Variants in PGAP2 observed in about 807,000 individuals in gnomAD.
The protein encoded by PGAP2 is acyltransferase PGAP2.
In PGAP2, 21 loss-of-function variants were observed where a neutral mutation model predicts 33.2. The observed-to-expected ratio is 0.63, with a 90% CI of 0.45 to 0.91. PGAP2 has a LOEUF of 0.91. Among genes scored for constraint, PGAP2 ranks in the 40% least tolerant of loss-of-function variants. PGAP2 has a pLI of 0.00. For missense variants in PGAP2, 345 were observed against 424.0 expected (o/e 0.81, Z 1.64); for synonymous variants, 161 against 172.9 (o/e 0.93, Z 0.54).
Position 3,825,646 on chromosome 11 carries a change from C to G in PGAP2, c.*188C>G. On this transcript the variant is annotated 3_prime_UTR_variant, in exon 7 of 7. Transcript: ENST00000278243. ...TTCTCCTCTCCACCCCTCATATGGG[C>G]GTGGGGTCCTCAAACATCACCTTTA... 2.3e-6 allele frequency: 1 copy of G among 442,636 alleles called. No individual in the cohort carries two copies. Among genetic ancestry groups the G allele is most frequent in the South Asian group, 2.6e-5 (1 of 39,080 alleles). 27.4% of individuals were successfully genotyped at this position (442,636 alleles called of 1,614,324 possible).
At chr11:3,814,918 C>A (rs550199212) in intron 2 of PGAP2, among the ~76,000 whole-genome samples, 1 of 147,832 alleles carries the variant, frequency 6.8e-6, no homozygotes, top group East Asian at 2.0e-4. Context: ...CTTTCCCTTT[C>A]CCTTTCCCTT....
intron 5 of PGAP2, 109 bp downstream of exon 5, chr11:3,824,485 C>T: frequency 6.4e-7 from 1 of 1,557,956 alleles, no homozygotes; most frequent in South Asian, 1.1e-5. Flanking sequence ...CTAATGGGAA[C>T]CCTGGCAGAG....
chr11:3,821,917 C>T (rs1174015580), intron 3 of PGAP2, among the ~76,000 whole-genome samples: 2 of 146,382 alleles, frequency 1.4e-5, no homozygotes, highest in Non-Finnish European at 3.0e-5. Context: ...AAAAAAAAAT[C>T]CAAAAAATTA....
At chr11:3,823,753 C>T in intron 3 of PGAP2, 130 bp from the exon 4 acceptor site, 2 of 1,598,868 alleles carry the variant, frequency 1.3e-6, no homozygotes, top group South Asian at 2.2e-5. Flanking sequence ...ATGGGGACAT[C>T]TGAAGGAGGA....
chr11:3,800,530 G>A (rs1233036489), intron 1 of PGAP2, among the ~76,000 whole-genome samples: 1 of 151,876 alleles, frequency 6.6e-6, no homozygotes, highest in East Asian at 1.9e-4. Context: ...AAGAAATTTG[G>A]GCCAGGCGGG....
chr11:3,807,646 GAAGT>G (rs1309813962), upstream of PGAP2, among the ~76,000 whole-genome samples: 3 of 152,104 alleles, frequency 2.0e-5, no homozygotes, highest in Admixed American at 6.6e-5. Context: ...AATGAGATAA[GAAGT>G]AAGAGTGCCT....
intron 3 of PGAP2, among the ~76,000 whole-genome samples, chr11:3,822,572 T>A (rs550731143): frequency 6.6e-6 from 1 of 152,112 alleles, no homozygotes; most frequent in South Asian, 2.1e-4. Flanking sequence ...AGGTCAAGGC[T>A]GCAGTGAGTC....
intron 3 of PGAP2, among the ~76,000 whole-genome samples, chr11:3,821,444 C>T (rs1359834919): frequency 1.3e-5 from 2 of 152,220 alleles, no homozygotes; most frequent in Non-Finnish European, 2.9e-5. Context: ...GCCATTTCCA[C>T]AGTTTTGGAA....
intron 5 of PGAP2, chr11:3,824,776 C>T (rs944510465): frequency 2.8e-6 from 4 of 1,428,886 alleles, no homozygotes; most frequent in African/African-American, 1.4e-5. Context: ...ATGTAACTTT[C>T]ATACTCCATC....
chr11:3,819,487 G>A (rs2087979108), intron 3 of PGAP2, among the ~76,000 whole-genome samples: 1 of 152,036 alleles, frequency 6.6e-6, no homozygotes, highest in African/African-American at 2.4e-5. Flanking sequence ...GTTGGCATGG[G>A]GCGGGGGACA....
chr11:3,819,407 C>T (rs996141159), intron 3 of PGAP2, among the ~76,000 whole-genome samples: 3 of 151,492 alleles, frequency 2.0e-5, no homozygotes, highest in East Asian at 1.9e-4. Context: ...GGACTGTGAG[C>T]GTAGAGAGGA....
chr11:3,815,460 C>T (rs916739150), intron 2 of PGAP2, among the ~76,000 whole-genome samples: 4 of 152,192 alleles, frequency 2.6e-5, no homozygotes, highest in African/African-American at 9.7e-5. Context: ...AGGCACACCG[C>T]CACCATGACT....
At chr11:3,805,775 C>T (rs1399548620), upstream of PGAP2, among the ~76,000 whole-genome samples, 4 of 151,824 alleles carry the variant, frequency 2.6e-5, no homozygotes, top group Admixed American at 2.6e-4. Flanking sequence ...CAACCTCTGC[C>T]TCCCAGGTTC....
chr11:3,808,128 G>T (rs2084764918), upstream of PGAP2: 1 of 1,462,286 alleles, frequency 6.8e-7, no homozygotes, highest in Admixed American at 2.3e-5. Context: ...CCGCCCTGAC[G>T]AGCAAAGTTT....
chr11:3,808,694 C>A, intron 1 of PGAP2, 43 bp downstream of exon 1: 1 of 1,069,810 alleles, frequency 9.3e-7, no homozygotes, highest in Non-Finnish European at 1.1e-6. Flanking sequence ...GGCAGCCCCA[C>A]TCGGGAGCTT....
chr11:3,813,869 C>T (rs2086154642), intron 2 of PGAP2, among the ~76,000 whole-genome samples: 1 of 152,096 alleles, frequency 6.6e-6, no homozygotes, highest in Non-Finnish European at 1.5e-5. Context: ...GCATCAATAC[C>T]CTATTAGCTA....
intron 2 of PGAP2, among the ~76,000 whole-genome samples, chr11:3,814,634 A>C (rs1210832040): frequency 1.3e-5 from 2 of 149,854 alleles, no homozygotes; most frequent in Non-Finnish European, 3.0e-5. Flanking sequence ...GCTGGTCTTC[A>C]ACTCCTGAGC....
chr11:3,810,526 GGGTGATGTGGACAGCCCCCT>G (rs1037341017), intron 1 of PGAP2, among the ~76,000 whole-genome samples: 3 of 152,208 alleles, frequency 2.0e-5, no homozygotes, highest in Non-Finnish European at 4.4e-5. Flanking sequence ...GTTCACAGGA[GGGTGATGTGGACAGCCCCCT>G]GGGCACTGGG....
chr11:3,797,968 C>T, exon 1 of PGAP2: 3 of 1,547,192 alleles, frequency 1.9e-6, no homozygotes, highest in Non-Finnish European at 2.6e-6. Context: ...AGAGGGACGG[C>T]CCCAGAATGG....
Sources: allele counts gnomAD v4.1 joint callset (sites outside exome capture counted in the v4.1 genomes callset), GRCh38; gene constraint gnomAD v4.1.1; transcripts MANE v1.5; gene names NCBI Gene and HGNC (gene_info 2026-07-23, HGNC 2026-07-21).